The following B4GALNT2 variants were observed in gnomAD, a reference collection of about 807,000 sequenced individuals.
The protein encoded by B4GALNT2 is N-acetylneuraminylgalactosylglucosyl-glucoside beta-1,4-N- acetylgalactosaminyltransferase 2.
Under a neutral mutation model 51.1 loss-of-function variants are expected in B4GALNT2, and 42 were observed. That is an observed-to-expected ratio of 0.82 (90% confidence interval 0.64 to 1.06). The LOEUF (loss-of-function observed/expected upper bound fraction) is 1.06. B4GALNT2 is among the 50% of genes least tolerant of loss of function. B4GALNT2 has a pLI of 0.00. For synonymous variants in B4GALNT2, 253 were observed against 251.7 expected, an observed-to-expected ratio of 1.01 and a Z score of -0.05; for missense variants, 602 against 633.6, an observed-to-expected ratio of 0.95 and a Z score of 0.54.
intron 1 of B4GALNT2, among the ~76,000 whole-genome samples, chr17:49,139,404 AT>A (rs905903285): frequency 4.0e-5 from 6 of 149,076 alleles, no homozygotes; most frequent in African/African-American, 7.4e-5. Flanking sequence ...ATGCCCAGCT[AT>A]TTTTTTTTTC....
intron 9 of B4GALNT2, among the ~76,000 whole-genome samples, chr17:49,167,802 G>A (rs2042924414): frequency 6.6e-6 from 1 of 151,878 alleles, no homozygotes; most frequent in Non-Finnish European, 1.5e-5. Flanking sequence ...TAGAGACAGG[G>A]TCTCACCATA....
At chr17:49,138,782 C>A (rs2042613574) in intron 1 of B4GALNT2, among the ~76,000 whole-genome samples, 2 of 152,280 alleles carry the variant, frequency 1.3e-5, no homozygotes, top group Admixed American at 6.5e-5. Context: ...GAGGCTGAGG[C>A]AGGAGAATCA....
At chr17:49,162,556 A>G (rs934196780) in intron 7 of B4GALNT2, among the ~76,000 whole-genome samples, 1 of 152,146 alleles carries the variant, frequency 6.6e-6, no homozygotes, top group Non-Finnish European at 1.5e-5. Flanking sequence ...ATTATCCTAC[A>G]GATATTTATA....
chr17:49,165,997 T>G, intron 8 of B4GALNT2, 117 bp from the exon 9 acceptor site: 1 of 1,219,168 alleles, frequency 8.2e-7, no homozygotes, highest in African/African-American at 1.5e-5. Flanking sequence ...TCGCACCAAT[T>G]CTAATGGAAT....
upstream of B4GALNT2, chr17:49,132,640 G>T (rs902191504): frequency 1.4e-5 from 12 of 831,964 alleles, no homozygotes; most frequent in African/African-American, 2.2e-4. Context: ...TGGTGTGGGG[G>T]CGGTCAGGAG....
chr17:49,164,479 G>T (rs1567866432), intron 8 of B4GALNT2, among the ~76,000 whole-genome samples: 1 of 150,748 alleles, frequency 6.6e-6, no homozygotes. Flanking sequence ...CATTCATGAG[G>T]TGGTTATTCC....
chr17:49,142,199 G>C (rs751565522), intron 3 of B4GALNT2, 27 bp downstream of exon 3: 5 of 1,613,292 alleles, frequency 3.1e-6, no homozygotes, highest in Non-Finnish European at 4.2e-6. Context: ...AGGCCCTTGG[G>C]TTCTGAGATG....
rs555176688 is a variant in B4GALNT2 at position 49,139,523 on chromosome 17, G to A, written c.15-1724G>A. On this transcript the variant is annotated intron_variant, in intron 1 of 10. Transcript: ENST00000393354. The stretch of plus-strand genomic sequence containing the variant: ...TTACAGGCGTGAGACACCATGCCCA[G>A]CCTATTATGTTTTTAGAGATGGGGT... 3.9e-4 allele frequency among the ~76,000 whole-genome samples: 60 copies of A among 152,258 alleles called. 1 individual carries two copies. The highest frequency in any genetic ancestry group is 3.4e-3 in the Middle Eastern group (1 of 294).
chr17:49,160,492 G>C, intron 6 of B4GALNT2, 63 bp from the exon 7 acceptor site: 2 of 1,490,562 alleles, frequency 1.3e-6, no homozygotes, highest in Non-Finnish European at 1.9e-6. Context: ...GGCTTCCCGG[G>C]GTGGCATGGA....
chr17:49,158,083 G>A (rs1331812825), intron 5 of B4GALNT2, among the ~76,000 whole-genome samples: 1 of 152,168 alleles, frequency 6.6e-6, no homozygotes, highest in Admixed American at 6.5e-5. Context: ...GAGCTGAGAG[G>A]ACTTGCCGCC....
chr17:49,145,617 G>A (rs1042060097), intron 3 of B4GALNT2, among the ~76,000 whole-genome samples: 1 of 152,130 alleles, frequency 6.6e-6, no homozygotes, highest in Non-Finnish European at 1.5e-5. Flanking sequence ...CTGGTGGAGT[G>A]ACCCAAACCT....
chr17:49,157,268 CT>C (rs143449684), intron 5 of B4GALNT2, among the ~76,000 whole-genome samples: 68 of 152,248 alleles, frequency 4.5e-4, no homozygotes, highest in African/African-American at 1.6e-3. Flanking sequence ...TCAAGCAATC[CT>C]CCCGCATCAG....
At chr17:49,125,786 C>T in the B4GALNT2 span, among the ~76,000 whole-genome samples, 452 of 102,438 alleles carry the variant, frequency 4.4e-3, 71 homozygotes, top group Non-Finnish European at 7.5e-3. Flanking sequence ...CCGCCCCGTC[C>T]GGGAGGTGAG....
At chr17:49,138,342 A>G (rs1446385399) in intron 1 of B4GALNT2, among the ~76,000 whole-genome samples, 1 of 152,222 alleles carries the variant, frequency 6.6e-6, no homozygotes, top group Non-Finnish European at 1.5e-5. Flanking sequence ...AGTCTGCCAC[A>G]TAAGTCCCAC....
In B4GALNT2 at chr17:49,164,200, A is replaced by C. The variant is rs2144335895; in HGVS notation, c.879A>C (p.Ile293=). ...IREYYPDLTV[I]VADDSQKPLE... The stretch of plus-strand genomic sequence containing the variant: ...AGTATTACCCAGACTTGACCGTAAT[A>C]GTGGCTGATGACAGCCAGAAGCCCC... The change falls in exon 8 of 11, where the codon ATA becomes ATC. Residue 293 remains isoleucine (I), a synonymous_variant. Coordinates refer to ENST00000393354, the MANE Select transcript of B4GALNT2 (RefSeq NM_001159387.2). The C allele has an allele frequency of 6.2e-7, 1 of 1,613,750 alleles. No individual in the cohort carries two copies. Among genetic ancestry groups the C allele is most frequent in the Admixed American group, 1.7e-5 (1 of 60,018 alleles).
chr17:49,140,466 G>T (rs2042632773), intron 1 of B4GALNT2, among the ~76,000 whole-genome samples: 1 of 152,134 alleles, frequency 6.6e-6, no homozygotes, highest in East Asian at 1.9e-4. Flanking sequence ...TCATTTTGTT[G>T]TTCTGCTGCT....
intron 3 of B4GALNT2, among the ~76,000 whole-genome samples, chr17:49,149,660 A>G (rs1372095488): frequency 6.6e-6 from 1 of 152,220 alleles, no homozygotes; most frequent in African/African-American, 2.4e-5. Flanking sequence ...AGAAAAAAGA[A>G]AAATACACGT....
rs1288708038 is a variant in B4GALNT2, at chr17:49,171,893, C to A, written c.*2165C>A. On this transcript the variant is annotated 3_prime_UTR_variant, in exon 11 of 11. Coordinates refer to ENST00000393354, the MANE Select transcript of B4GALNT2 (RefSeq NM_001159387.2). The stretch of plus-strand genomic sequence containing the variant: ...CTTTGCTTTGCCTCAATTATAGGAG[C>A]AGATTTATTATGGTAAATATTAAGA... 4 of 314,614 alleles carry A rather than the reference C, an allele frequency of 1.3e-5. No homozygotes were observed. Among genetic ancestry groups the A allele is most frequent in the African/African-American group, 2.3e-5 (1 of 43,710 alleles). 19.5% of individuals were successfully genotyped at this position (314,614 alleles called of 1,614,324 possible). A position where few individuals can be genotyped will look rare whatever the true frequency, so the allele number is the denominator to read the frequency against.
At chr17:49,152,103 A>T (rs1437029337) in intron 3 of B4GALNT2, among the ~76,000 whole-genome samples, 1 of 152,148 alleles carries the variant, frequency 6.6e-6, no homozygotes, top group Non-Finnish European at 1.5e-5. Flanking sequence ...TTAGCCAGGC[A>T]TGGTGGCTCT....
Sources: gnomAD v4.1 joint callset for allele counts (sites outside exome capture counted in the v4.1 genomes callset) on GRCh38, gnomAD v4.1.1 for gene constraint, MANE v1.5 for transcripts, NCBI Gene and HGNC (gene_info 2026-07-23, HGNC 2026-07-21) for gene names.